Variants in GHRL observed in about 807,000 individuals in gnomAD.
GHRL encodes the protein ghrelin and obestatin prepropeptide.
GHRL carries 24 observed loss-of-function variants against 16.9 expected under a neutral mutation model. The ratio of observed to expected loss-of-function variants is 1.42; its 90% CI spans 1.03 to 2.00. The LOEUF is 2.00. Ranked by LOEUF, GHRL falls within the 30% of genes most tolerant of loss-of-function variation. The pLI is 0.00. For synonymous variants in GHRL, 63 were observed against 58.2 expected (o/e 1.08, Z -0.37); for missense variants, 193 against 142.1 (o/e 1.36, Z -1.82).
At chr3:10,292,778 C>A in intron 1 of GHRL, 64 bp downstream of exon 1, 1 of 1,033,162 alleles carries the variant, frequency 9.7e-7, no homozygotes, top group Non-Finnish European at 1.4e-6. Context: ...AAAAAAAATC[C>A]CCAAACAGAA....
In GHRL at chr3:10,286,712, T is replaced by A; in HGVS notation, c.326A>T (p.Glu109Val). 1 of 1,587,960 alleles carries A rather than the reference T, an allele frequency of 6.3e-7. No individual in the cohort carries two copies. Among genetic ancestry groups the A allele is most frequent in the South Asian group, 1.1e-5 (1 of 90,546 alleles). ...GKFLQDILWE[E>V]AKEAPADK Reference sequence around the variant, plus strand: ...GTCCAGGCAGGACTCACCTTTGGCCTCTTCCCAGAGGATGTCCTGAAGAAA... The same window carrying A: ...GTCCAGGCAGGACTCACCTTTGGCCACTTCCCAGAGGATGTCCTGAAGAAA... The change falls in exon 5 of 6, where the codon GAG (glutamate) becomes GTG (valine). Residue 109 changes from glutamate (E) to valine (V), a missense_variant. Coordinates refer to ENST00000335542, the MANE Select transcript of GHRL (RefSeq NM_016362.5).
chr3:10,287,684 T>C (rs1699277939), intron 4 of GHRL, among the ~76,000 whole-genome samples: 1 of 152,146 alleles, frequency 6.6e-6, no homozygotes, highest in South Asian at 2.1e-4. Flanking sequence ...GCAGGACTTT[T>C]AAACCCACTT....
At position 10,290,204 on chromosome 3, in the gene GHRL, G is replaced by A. The variant is rs1158995603; in HGVS notation, c.-24C>T. The A allele has an allele frequency of 4.4e-6, 7 of 1,598,578 alleles. No homozygotes were observed. The highest frequency in any genetic ancestry group is 6.0e-6 in the Non-Finnish European group (7 of 1,174,184). On this transcript the variant is annotated 5_prime_UTR_variant, in exon 3 of 6. Coordinates refer to ENST00000335542, the MANE Select transcript of GHRL (RefSeq NM_016362.5). ...ATGGCCTCAGCTGGGTTGCAGACAG[G>A]TGGGCCTGGGGGAGAGAGGGTCTCC...
chr3:10,290,013 G>T (rs1021596833), intron 3 of GHRL, 60 bp downstream of exon 3: 3 of 1,591,472 alleles, frequency 1.9e-6, no homozygotes, highest in South Asian at 1.1e-5. Flanking sequence ...CCAGGTCACA[G>T]AGCTGGTTGC....
chr3:10,290,271 A>G (rs1699784797), intron 2 of GHRL, 62 bp from the exon 3 acceptor site: 6 of 1,507,716 alleles, frequency 4.0e-6, no homozygotes, highest in Non-Finnish European at 5.4e-6. Flanking sequence ...GAGCTTGCTC[A>G]GGTAGGAGCC....
In GHRL at chr3:10,285,850, A is replaced by G. The variant is rs1698976578; in HGVS notation, c.*25T>C. On this transcript the variant is annotated 3_prime_UTR_variant, in exon 6 of 6. Transcript: ENST00000335542. ...CAGATGAGCGCTTCTAAACTTAGAGAGAGGTGAGTAAGGCTTGTGGGCGAT... is the reference window on the plus strand; with the variant it reads ...CAGATGAGCGCTTCTAAACTTAGAGGGAGGTGAGTAAGGCTTGTGGGCGAT... The G allele has an allele frequency of 1.9e-6, 3 of 1,607,484 alleles. No homozygotes were observed. Among genetic ancestry groups the G allele is most frequent in the Non-Finnish European group, 2.6e-6 (3 of 1,174,176 alleles).
At chr3:10,289,515 C>G (rs773325911) in intron 4 of GHRL, among the ~76,000 whole-genome samples, 2 of 152,240 alleles carry the variant, frequency 1.3e-5, no homozygotes, top group Non-Finnish European at 2.9e-5. Flanking sequence ...GGCACCCTCT[C>G]TCCTCTGCCC....
At chr3:10,290,008 T>A (rs1699724639) in intron 3 of GHRL, 65 bp downstream of exon 3, 7 of 1,583,486 alleles carry the variant, frequency 4.4e-6, no homozygotes, top group Non-Finnish European at 6.1e-6. Context: ...CTGCTCCAGG[T>A]CACAGAGCTG....
At position 10,285,893 on chromosome 3, in the gene GHRL, C is replaced by T. The variant is rs755187335; in HGVS notation, c.336G>A (p.Glu112=). The T allele has an allele frequency of 2.5e-6, 4 of 1,613,240 alleles. No homozygotes were observed. The East Asian group carries it at 8.9e-5, about 36-fold the overall frequency. The stretch of plus-strand genomic sequence containing the variant: ...TGGGCGATCACTTGTCGGCTGGGGC[C>T]TCTGGAAAGCAAGAGGTTGAGTAAG... The part of the protein sequence containing the change: ...LQDILWEEAK[E]APADK The change falls in exon 6 of 6, where the codon GAG becomes GAA. Residue 112 remains glutamate, a splice_region_variant and synonymous_variant. Transcript: ENST00000335542.
Position 10,286,832 on chromosome 3 carries a change from G to A in GHRL, c.226-20C>T. The A allele has an allele frequency of 1.4e-6, 2 of 1,434,048 alleles. No individual in the cohort carries two copies. The highest frequency in any genetic ancestry group is 9.8e-7 in the Non-Finnish European group (1 of 1,016,044). 88.8% of individuals were successfully genotyped at this position (1,434,048 alleles called of 1,614,324 possible). ...GTTGAACTAGGAGGCAGGGCAGGGA[G>A]GACCCAGGAGATGTCAGAGGTCATG... On this transcript the variant is annotated intron_variant, in intron 4 of 5. Coordinates refer to ENST00000335542, the MANE Select transcript of GHRL (RefSeq NM_016362.5).
chr3:10,289,092 G>A (rs186938424), intron 4 of GHRL, among the ~76,000 whole-genome samples: 34 of 152,332 alleles, frequency 2.2e-4, no homozygotes, highest in East Asian at 1.7e-3. Flanking sequence ...CCTTAGCTGC[G>A]AAATGGTGTC....
chr3:10,290,099 G>A lies in GHRL; in HGVS notation c.82C>T (p.Leu28=). ...LDLAMAGSSF[L]SPEHQRVQQR... ...TGGACTCTCTGGTGTTCAGGGCTCA[G>A]GAAGCTGGAGCCTGCCATGGCCAAG... is the stretch of plus-strand genomic sequence containing the variant. The change falls in exon 3 of 6, where the codon CTG becomes TTG. Residue 28 remains leucine (L), a synonymous_variant. Transcript: ENST00000335542. 6.2e-7 allele frequency: 1 copy of A among 1,612,992 alleles called. No individual in the cohort carries two copies.
chr3:10,291,474 T>C, intron 1 of GHRL, 23 bp from the exon 2 acceptor site: 2 of 985,376 alleles, frequency 2.0e-6, no homozygotes, highest in Non-Finnish European at 2.4e-6. Flanking sequence ...GATCTACGCT[T>C]AGCACGGGCC....
chr3:10,290,339 C>G lies in GHRL; in HGVS notation c.-29-130G>C, dbSNP rs535903821. 4.9e-6 allele frequency: 4 copies of G among 818,190 alleles called. No homozygotes were observed. In the South Asian group the frequency reaches 7.1e-5, roughly 15 times the overall value. 50.7% of individuals were successfully genotyped at this position (818,190 alleles called of 1,614,324 possible). The stretch of plus-strand genomic sequence containing the variant: ...GGTCCTGACTGCTGTGTAGAGAGGA[C>G]CCCCGCTTCCACCTCCCAAGGTAGA... On this transcript the variant is annotated intron_variant, in intron 2 of 5. Transcript: ENST00000335542.
At chr3:10,291,538 C>T (rs1467473613) in intron 1 of GHRL, 87 bp from the exon 2 acceptor site, 19 of 880,256 alleles carry the variant, frequency 2.2e-5, no homozygotes, top group Non-Finnish European at 2.2e-5. Flanking sequence ...TTCCCCTTAC[C>T]CAGAGTCTTT....
intron 4 of GHRL, chr3:10,287,879 A>G (rs1001839466): frequency 4.2e-5 from 6 of 142,876 alleles, no homozygotes; most frequent in Non-Finnish European, 9.1e-5. Flanking sequence ...TAACTCCACC[A>G]TGAAGGTGGA....
intron 3 of GHRL, 85 bp from the exon 4 acceptor site, chr3:10,289,963 C>T (rs1432750842): frequency 1.3e-6 from 2 of 1,509,208 alleles, no homozygotes; most frequent in Non-Finnish European, 1.8e-6. Context: ...GTCCTTTGTG[C>T]TCTGGGAGAA....
At chr3:10,289,009 G>T (rs1430339893) in intron 4 of GHRL, among the ~76,000 whole-genome samples, 1 of 152,198 alleles carries the variant, frequency 6.6e-6, no homozygotes, top group African/African-American at 2.4e-5. Flanking sequence ...GGGGCAGTTA[G>T]AGGTGAAGTT....
In GHRL at chr3:10,291,095, G is replaced by A; in HGVS notation, c.-409C>T. The A allele has an allele frequency of 1.0e-6, 1 of 985,672 alleles. No individual in the cohort carries two copies. Among genetic ancestry groups the A allele is most frequent in the Non-Finnish European group, 1.2e-6 (1 of 830,106 alleles). 61.1% of individuals were successfully genotyped at this position (985,672 alleles called of 1,614,324 possible). A position where few individuals can be genotyped will look rare whatever the true frequency, so the allele number is the denominator to read the frequency against. ...CTTTCTCCCTGGGTAAAATGAGGCT[G>A]TCATCACTAGGAGAGCTCTGAGACC... On this transcript the variant is annotated 5_prime_UTR_variant, in exon 2 of 6. Transcript: ENST00000335542.
Sources: gnomAD v4.1 joint callset for allele counts (sites outside exome capture counted in the v4.1 genomes callset) on GRCh38, gnomAD v4.1.1 for gene constraint, MANE v1.5 for transcripts, NCBI Gene and HGNC (gene_info 2026-07-23, HGNC 2026-07-21) for gene names.